The following DOCK6 variants were observed in gnomAD, a reference collection of about 807,000 sequenced individuals.
DOCK6 encodes the protein dedicator of cytokinesis protein 6.
A neutral mutation model predicts 230.3 loss-of-function variants in DOCK6; 167 were observed. The ratio of observed to expected loss-of-function variants is 0.73; its 90% CI spans 0.64 to 0.82. DOCK6 has a LOEUF of 0.82. DOCK6 is among the 40% of genes least tolerant of loss of function. DOCK6 has a pLI of 0.00. For missense variants in DOCK6, 2,598 were observed against 2,825.8 expected (o/e 0.92, Z 1.83); for synonymous variants, 1,148 against 1,185.0 (o/e 0.97, Z 0.64).
Position 11,236,324 on chromosome 19 carries a change from G to A in DOCK6, c.2392+22C>T. 1 of 1,531,408 alleles carries A rather than the reference G, an allele frequency of 6.5e-7. No homozygotes were observed. Among genetic ancestry groups the A allele is most frequent in the Non-Finnish European group, 8.8e-7 (1 of 1,131,302 alleles). The allele number at this position is 1,531,408 out of a possible 1,614,324, so 94.9% of individuals were successfully genotyped here. On this transcript the variant is annotated intron_variant, in intron 20 of 47. Transcript: ENST00000294618. The surrounding 1 kb of genome is among the most constrained non-coding windows in gnomAD (Gnocchi z 5.2). ...AAGCCATGTGGATGGGGAAACTGAG[G>A]TCTGAGGCCACATTCGCTTACCAAT...
Position 11,236,790 on chromosome 19 carries a change from T to G in DOCK6, c.2160+3A>C. 6.4e-7 allele frequency: 1 copy of G among 1,552,560 alleles called. No individual in the cohort carries two copies. Among genetic ancestry groups the G allele is most frequent in the South Asian group, 1.2e-5 (1 of 84,110 alleles). ...GACTCTTGGTTCCCGGCCCACCCCG[T>G]ACCTGGGGGTGCACAGAGGACACGG... On this transcript the variant is annotated splice_donor_region_variant and intron_variant, in intron 19 of 47. Coordinates refer to ENST00000294618, the MANE Select transcript of DOCK6 (RefSeq NM_020812.4). This position sits in a 1 kb window ranked among gnomAD's most constrained non-coding sequence, Gnocchi z 5.2.
chr19:11,221,753 C>T, intron 28 of DOCK6, 98 bp downstream of exon 28: 2 of 1,569,956 alleles, frequency 1.3e-6, no homozygotes, highest in Non-Finnish European at 1.7e-6. Context: ...AATGTCTATA[C>T]TCATACCAGT....
chr19:11,215,002 G>T (rs2079457876), intron 32 of DOCK6, among the ~76,000 whole-genome samples: 2 of 150,802 alleles, frequency 1.3e-5, no homozygotes, highest in South Asian at 4.2e-4. Flanking sequence ...GAGTGCAGTG[G>T]CGCGATCTCG....
chr19:11,253,886 G>A (rs2080160603), intron 1 of DOCK6, 160 bp from the exon 2 acceptor site: 2 of 552,518 alleles, frequency 3.6e-6, no homozygotes, highest in Non-Finnish European at 6.3e-6. Context: ...CAGCTCCCCA[G>A]TTCCCCCAAC....
chr19:11,237,446 G>A lies in DOCK6; in HGVS notation c.2073+10C>T, dbSNP rs2147832030. ...AGTGCATTGGCAGGCAGGAGCTCCA[G>A]GGCACATACATCGGGTGTGAGCACG... On this transcript the variant is annotated intron_variant, in intron 18 of 47. Transcript: ENST00000294618. 1.9e-6 allele frequency: 3 copies of A among 1,613,426 alleles called. No homozygotes were observed. The highest frequency in any genetic ancestry group is 2.5e-6 in the Non-Finnish European group (3 of 1,179,796).
Position 11,222,755 on chromosome 19 carries a change from CAG to C in DOCK6, c.3218_3219del (p.Ser1073CysfsTer51), listed in dbSNP as rs773562846. 3.8e-6 allele frequency: 6 copies of C among 1,576,046 alleles called. No homozygotes were observed. The highest frequency in any genetic ancestry group is 1.3e-5 in the African/African-American group (1 of 74,224). The part of the protein sequence containing the change: ...PLSPPASPSP[S>X]VSSTTSQSST... The stretch of plus-strand genomic sequence containing the variant: ...CCCACCTGGGAGGTGGTGGAGGACA[CAG>C]AGGGGGAGGGCGAGGCTGGAGGTGA... On this transcript the variant is annotated frameshift_variant, in exon 26 of 48. Transcript: ENST00000294618. LOFTEE classifies it high-confidence loss of function. This position sits in a 1 kb window ranked among gnomAD's most constrained non-coding sequence, Gnocchi z 4.0.
rs146525074 is a variant in DOCK6, at chr19:11,260,672, C to G, written c.44+1725G>C. Among the ~76,000 whole-genome samples the G allele has an allele frequency of 4.7e-4, 71 of 150,996 alleles. 1 individual carries two copies. The East Asian group carries it at 8.6e-3, about 18-fold the overall frequency. ...GGGAGGTGGGCGGATCACCTGAGGT[C>G]AGGAGTTCGTGACCAGCCTGGTCAA... On this transcript the variant is annotated intron_variant, in intron 1 of 47. Transcript: ENST00000294618.
chr19:11,222,654 G>C lies in DOCK6; in HGVS notation c.3240+81C>G, dbSNP rs552402039. 1 of 1,413,624 alleles carries C rather than the reference G, an allele frequency of 7.1e-7. No individual in the cohort carries two copies. Among genetic ancestry groups the C allele is most frequent in the South Asian group, 1.4e-5 (1 of 73,006 alleles). 87.6% of individuals were successfully genotyped at this position (1,413,624 alleles called of 1,614,324 possible). A position where few individuals can be genotyped will look rare whatever the true frequency, so the allele number is the denominator to read the frequency against. On this transcript the variant is annotated intron_variant, in intron 26 of 47. Transcript: ENST00000294618. The surrounding 1 kb of genome is among the most constrained non-coding windows in gnomAD (Gnocchi z 4.0). The stretch of plus-strand genomic sequence containing the variant: ...GCAGTGGTCCACCGTGAAAGGGACA[G>C]AGATGAGGGAACCATAGGAGATGGA...
rs770060879 is a variant in DOCK6 at position 11,214,235 on chromosome 19, A to G, written c.4338+40T>C. 7.0e-6 allele frequency: 11 copies of G among 1,561,312 alleles called. No individual in the cohort carries two copies. The African/African-American group carries it at 1.4e-4, about 19-fold the overall frequency. Reference sequence around the variant, plus strand: ...CCACTGTGCTCAGCCTAGAGCTGCTACTGTTTTTCTAAGAATCATGGTTGT... The same window carrying G: ...CCACTGTGCTCAGCCTAGAGCTGCTGCTGTTTTTCTAAGAATCATGGTTGT... On this transcript the variant is annotated intron_variant, in intron 34 of 47. Transcript: ENST00000294618.
chr19:11,257,632 T>C (rs1599296789), intron 1 of DOCK6, among the ~76,000 whole-genome samples: 1 of 150,332 alleles, frequency 6.7e-6, no homozygotes, highest in African/African-American at 2.5e-5. Context: ...CTACTAAAAA[T>C]ACAAAAATTA....
chr19:11,241,821 G>A, intron 14 of DOCK6: 1 of 1,444,280 alleles, frequency 6.9e-7, no homozygotes, highest in Non-Finnish European at 9.5e-7. Flanking sequence ...TGAGCACAGA[G>A]CAGAGACAGA....
intron 1 of DOCK6, among the ~76,000 whole-genome samples, chr19:11,258,360 G>A (rs1447293279): frequency 1.3e-5 from 2 of 152,094 alleles, no homozygotes; most frequent in African/African-American, 4.8e-5. Context: ...AATTGACCAA[G>A]TGGCCATTTC....
intron 31 of DOCK6, 79 bp from the exon 32 acceptor site, chr19:11,215,550 G>A (rs1032601944): frequency 6.9e-7 from 1 of 1,443,940 alleles, no homozygotes; most frequent in African/African-American, 1.4e-5. Context: ...GCACAGGCAT[G>A]AAGATATTCA....
rs544793220 is a variant in DOCK6 at position 11,233,310 on chromosome 19, C to T, written c.2611G>A (p.Ala871Thr). The T allele has an allele frequency of 3.0e-5, 49 of 1,613,800 alleles. No individual in the cohort carries two copies. The East Asian group carries it at 4.7e-4, about 15-fold the overall frequency. ...TTGGAACGCGCCAGGTAGAGGCTTGCGGGGCGACCAGAGCCACGGGCCAGT... is the reference window on the plus strand; with the variant it reads ...TTGGAACGCGCCAGGTAGAGGCTTGTGGGGCGACCAGAGCCACGGGCCAGT... ...ATLARGSGRP[A>T]SLYLARSKSI... The change falls in exon 22 of 48, where the codon GCA becomes ACA. Residue 871 changes from alanine to threonine, a missense_variant. Physicochemically the swap from Ala to Thr is moderately conservative, Grantham distance 58. Transcript: ENST00000294618.
rs754503371 is a variant in DOCK6, at chr19:11,243,896, G to T, written c.1024-14C>A. On this transcript the variant is annotated splice_polypyrimidine_tract_variant and intron_variant, in intron 9 of 47. Transcript: ENST00000294618. The surrounding 1 kb of genome is among the most constrained non-coding windows in gnomAD (Gnocchi z 6.3). ...CACCTTCTCCAACTGCGGGGCAGATGAATGAATCCAGTGAGGCGCTGCCCG... is the reference window on the plus strand; with the variant it reads ...CACCTTCTCCAACTGCGGGGCAGATTAATGAATCCAGTGAGGCGCTGCCCG... The T allele has an allele frequency of 8.7e-6, 14 of 1,600,938 alleles. No individual in the cohort carries two copies. Among genetic ancestry groups the T allele is most frequent in the Non-Finnish European group, 9.4e-6 (11 of 1,174,024 alleles).
chr19:11,202,791 T>C lies in DOCK6; in HGVS notation c.5236-82A>G. 6.3e-7 allele frequency: 1 copy of C among 1,599,610 alleles called. No homozygotes were observed. The highest frequency in any genetic ancestry group is 8.5e-7 in the Non-Finnish European group (1 of 1,178,354). On this transcript the variant is annotated intron_variant, in intron 41 of 47. Transcript: ENST00000294618. This position sits in a 1 kb window ranked among gnomAD's most constrained non-coding sequence, Gnocchi z 5.3. Reference sequence around the variant, plus strand: ...GCCCCAGAGATAGGTGTCTCGAATATCAGGATGGGAGTGTGAGGACCCCGA... The same window carrying C: ...GCCCCAGAGATAGGTGTCTCGAATACCAGGATGGGAGTGTGAGGACCCCGA...
At chr19:11,256,619 GAC>G (rs1326289429) in intron 1 of DOCK6, among the ~76,000 whole-genome samples, 5 of 152,184 alleles carry the variant, frequency 3.3e-5, no homozygotes, top group African/African-American at 1.2e-4. Context: ...TGTCTTCAAA[GAC>G]AATCCTAGGC....
intron 1 of DOCK6, among the ~76,000 whole-genome samples, chr19:11,255,938 C>G (rs1335321981): frequency 1.3e-5 from 2 of 152,158 alleles, no homozygotes; most frequent in Non-Finnish European, 2.9e-5. Flanking sequence ...AGGCGCCCAC[C>G]ACTACGCCCA....
chr19:11,229,446 T>A (rs1423643265), intron 22 of DOCK6: 5 of 900,998 alleles, frequency 5.5e-6, no homozygotes, highest in Non-Finnish European at 6.7e-6. Flanking sequence ...TGAAGGGGTA[T>A]GTGGTTGGAG....
Sources: allele counts gnomAD v4.1 joint callset (sites outside exome capture counted in the v4.1 genomes callset), GRCh38; gene constraint gnomAD v4.1.1; non-coding constraint Gnocchi (gnomAD v3.1); transcripts MANE v1.5; gene names NCBI Gene and HGNC (gene_info 2026-07-23, HGNC 2026-07-21).